Variants in WNT5A observed in about 807,000 individuals in gnomAD.
WNT5A encodes Wnt family member 5A.
WNT5A carries 9 observed loss-of-function variants against 42.1 expected under a neutral mutation model. The observed-to-expected ratio is 0.21, with a 90% CI of 0.13 to 0.37. The LOEUF (loss-of-function observed/expected upper bound fraction) is 0.37. WNT5A is among the 10% of genes least tolerant of loss of function. WNT5A has a pLI of 1.00. For missense variants in WNT5A, 426 were observed against 534.0 expected, an observed-to-expected ratio of 0.80 and a Z score of 1.99; for synonymous variants, 210 against 210.0, an observed-to-expected ratio of 1.00 and a Z score of 0.00.
intron 4 of WNT5A, 147 bp from the exon 5 acceptor site, chr3:55,470,697 G>A (rs1444767504): frequency 1.4e-6 from 1 of 717,968 alleles, no homozygotes; most frequent in Non-Finnish European, 2.1e-6. Context: ...ATTACCAGAA[G>A]TCTTATGTTG....
At chr3:55,501,630 A>G in the WNT5A span, 1 of 152,194 alleles carries the variant, frequency 6.6e-6, no homozygotes, top group East Asian at 1.9e-4. Context: ...TCAGTCAAAT[A>G]CCCTTTACTC....
chr3:55,499,971 T>TCCC, the WNT5A span, among the ~76,000 whole-genome samples: 35 of 84,848 alleles, frequency 4.1e-4, 1 homozygote, highest in Middle Eastern at 5.6e-3. Flanking sequence ...CGAGACTCCA[T>TCCC]CCCCCCTCCA....
At chr3:55,489,093 C>G (rs1429380197), upstream of WNT5A, 1 of 152,118 alleles carries the variant, frequency 6.6e-6, no homozygotes, top group Admixed American at 6.5e-5. Context: ...AAACCGGGTT[C>G]CGGGCACCGG....
rs971805943 is a variant in WNT5A, at chr3:55,483,792, G to C, written c.7-2874C>G. Among the ~76,000 whole-genome samples the C allele has an allele frequency of 1.4e-4, 22 of 152,146 alleles. No homozygotes were observed. The highest frequency in any genetic ancestry group is 5.3e-4 in the African/African-American group (22 of 41,438). On this transcript the variant is annotated intron_variant, in intron 1 of 4. Coordinates refer to ENST00000264634, the MANE Select transcript of WNT5A (RefSeq NM_003392.7). The surrounding 1 kb of genome is among the most constrained non-coding windows in gnomAD (Gnocchi z 4.2). ...CTCAAAGCCTTCGCGTCGGATTAAA[G>C]GTGTTCTTGATCCTTCTTTACCAAC...
chr3:55,499,119 G>C, the WNT5A span, among the ~76,000 whole-genome samples: 21,946 of 152,202 alleles, frequency 0.14, 1,947 homozygotes, highest in Non-Finnish European at 0.19. Context: ...TAATGTTTAA[G>C]TAAAAAAGGC....
At chr3:55,472,381 C>T (rs184074149) in intron 4 of WNT5A, among the ~76,000 whole-genome samples, 1 of 152,230 alleles carries the variant, frequency 6.6e-6, no homozygotes, top group East Asian at 1.9e-4. Context: ...ATGGGCATAC[C>T]CCTGGATAGG....
chr3:55,493,155 G>C (rs564610417), upstream of WNT5A, among the ~76,000 whole-genome samples: 3 of 152,336 alleles, frequency 2.0e-5, no homozygotes, highest in Non-Finnish European at 2.9e-5. Flanking sequence ...TCTGGAAAGA[G>C]CTTGTTATCC....
rs1052094257 is a variant in WNT5A, at chr3:55,483,923, A to G, written c.7-3005T>C. ...GCGGGGAGCAGCCGGATGCACACCT[A>G]AAGTCTCGCAACACCCAACTCCTCC... is the stretch of plus-strand genomic sequence containing the variant. On this transcript the variant is annotated intron_variant, in intron 1 of 4. Coordinates refer to ENST00000264634, the MANE Select transcript of WNT5A (RefSeq NM_003392.7). This position sits in a 1 kb window ranked among gnomAD's most constrained non-coding sequence, Gnocchi z 4.2. Among the ~76,000 whole-genome samples, 5 of 151,970 alleles carry G rather than the reference A, an allele frequency of 3.3e-5. No individual in the cohort carries two copies. The highest frequency in any genetic ancestry group is 7.4e-5 in the Non-Finnish European group (5 of 67,968).
chr3:55,502,584 C>T, the WNT5A span, among the ~76,000 whole-genome samples: 1 of 152,128 alleles, frequency 6.6e-6, no homozygotes, highest in African/African-American at 2.4e-5. Context: ...GTTATAATGT[C>T]TTGATATTTC....
chr3:55,474,972 G>T (rs1465147400), intron 3 of WNT5A, among the ~76,000 whole-genome samples: 2 of 151,474 alleles, frequency 1.3e-5, no homozygotes, highest in East Asian at 2.0e-4. Flanking sequence ...GTAAAAGCTC[G>T]GGCTGCCCCA....
At chr3:55,496,242 G>A in the WNT5A span, among the ~76,000 whole-genome samples, 1 of 152,080 alleles carries the variant, frequency 6.6e-6, no homozygotes, top group South Asian at 2.1e-4. Flanking sequence ...AGTGAATTTT[G>A]GATAAAAGCT....
In WNT5A at chr3:55,469,947, T is replaced by C; in HGVS notation, c.*145A>G. Reference sequence around the variant, plus strand: ...TATTAATAATAAACCACAGAGTTCTTAGATGGTAACAGGAAAAAAAATGGT... The same window carrying C: ...TATTAATAATAAACCACAGAGTTCTCAGATGGTAACAGGAAAAAAAATGGT... On this transcript the variant is annotated 3_prime_UTR_variant, in exon 5 of 5. Transcript: ENST00000264634. The C allele has an allele frequency of 1.2e-6, 1 of 830,392 alleles. No homozygotes were observed. The allele number at this position is 830,392 out of a possible 1,614,324, so 51.4% of individuals were successfully genotyped here.
At chr3:55,491,562 G>A (rs912037670), upstream of WNT5A, among the ~76,000 whole-genome samples, 1 of 152,220 alleles carries the variant, frequency 6.6e-6, no homozygotes, top group Non-Finnish European at 1.5e-5. Flanking sequence ...CTGCATCCCT[G>A]TGCCGCCTTT....
At chr3:55,472,483 C>G (rs2051271085) in intron 4 of WNT5A, among the ~76,000 whole-genome samples, 1 of 152,086 alleles carries the variant, frequency 6.6e-6, no homozygotes, top group African/African-American at 2.4e-5. Flanking sequence ...GCGATACATC[C>G]CTGAAGAGGG....
Position 55,469,671 on chromosome 3 carries a change from T to A in WNT5A, c.*421A>T, listed in dbSNP as rs2051208241. ...CTCATTTTGGTCATAGAAGCTGAAT[T>A]GTGAATAGATTTCTACCACCCTCTT... On this transcript the variant is annotated 3_prime_UTR_variant, in exon 5 of 5. Transcript: ENST00000264634. The A allele has an allele frequency of 6.3e-6, 1 of 157,912 alleles. No individual in the cohort carries two copies. Among genetic ancestry groups the A allele is most frequent in the African/African-American group, 2.4e-5 (1 of 41,494 alleles). The allele number at this position is 157,912 out of a possible 1,614,324, so 9.8% of individuals were successfully genotyped here.
At chr3:55,473,011 G>A (rs956076851) in intron 4 of WNT5A, among the ~76,000 whole-genome samples, 2 of 151,894 alleles carry the variant, frequency 1.3e-5, no homozygotes, top group African/African-American at 4.8e-5. Context: ...AACAGATGTG[G>A]AAATGGGAAA....
the WNT5A span, among the ~76,000 whole-genome samples, chr3:55,502,445 C>A: frequency 0.16 from 24,573 of 152,180 alleles, 2,470 homozygotes; most frequent in Non-Finnish European, 0.23. Context: ...CAATTCCTTC[C>A]CTGCAACTTA....
At chr3:55,471,299 C>T (rs954097780) in intron 4 of WNT5A, among the ~76,000 whole-genome samples, 29 of 152,118 alleles carry the variant, frequency 1.9e-4, no homozygotes, top group African/African-American at 6.3e-4. Flanking sequence ...GGGGGGACTG[C>T]GCCTGGAACT....
In WNT5A at chr3:55,480,670, T is replaced by C. The variant is rs1559556988; in HGVS notation, c.140+115A>G. ...TATATAAGTAAAATGTATACATATG[T>C]CTTGCAATAAATACACCCACACTCA... is the stretch of plus-strand genomic sequence containing the variant. On this transcript the variant is annotated intron_variant, in intron 2 of 4. Transcript: ENST00000264634. The C allele has an allele frequency of 3.6e-6, 4 of 1,111,748 alleles. No individual in the cohort carries two copies. In the East Asian group the frequency reaches 8.4e-5, roughly 23 times the overall value. 68.9% of individuals were successfully genotyped at this position (1,111,748 alleles called of 1,614,324 possible). A position where few individuals can be genotyped will look rare whatever the true frequency, so the allele number is the denominator to read the frequency against.
Sources: gnomAD v4.1 joint callset for allele counts (sites outside exome capture counted in the v4.1 genomes callset) on GRCh38, gnomAD v4.1.1 for gene constraint, Gnocchi (gnomAD v3.1) non-coding constraint, MANE v1.5 for transcripts, NCBI Gene and HGNC (gene_info 2026-07-23, HGNC 2026-07-21) for gene names.